Variants in PDHB observed in about 807,000 individuals in gnomAD.
PDHB encodes the protein pyruvate dehydrogenase E1 component subunit beta, mitochondrial.
A neutral mutation model predicts 42.8 loss-of-function variants in PDHB; 17 were observed. That is an observed-to-expected ratio of 0.40 (90% CI 0.27 to 0.60). The LOEUF is 0.60. PDHB is among the 20% of genes least tolerant of loss of function. PDHB has a pLI of 0.46. For missense variants in PDHB, 322 were observed against 451.3 expected (o/e 0.71, Z 2.60); for synonymous variants, 154 against 148.7 (o/e 1.04, Z -0.26).
intron 1 of PDHB, 30 bp downstream of exon 1, chr3:58,433,738 T>G (rs1481858996): frequency 6.2e-7 from 1 of 1,612,338 alleles, no homozygotes; most frequent in Non-Finnish European, 8.5e-7. Context: ...AGGGGTCGCG[T>G]GGGAATACAG....
chr3:58,433,392 G>A, intron 2 of PDHB: 3 of 598,166 alleles, frequency 5.0e-6, no homozygotes, highest in Admixed American at 5.9e-5. Context: ...TGGAGTGAGG[G>A]AGGAAACGCC....
chr3:58,427,934 C>T lies in PDHB; in HGVS notation c.*100G>A, dbSNP rs745760468. 44 of 895,074 alleles carry T rather than the reference C, an allele frequency of 4.9e-5. No individual in the cohort carries two copies. The South Asian group carries it at 5.7e-4, about 12-fold the overall frequency. The allele number at this position is 895,074 out of a possible 1,614,324, so 55.4% of individuals were successfully genotyped here. On this transcript the variant is annotated 3_prime_UTR_variant, in exon 10 of 10. Transcript: ENST00000302746. The stretch of plus-strand genomic sequence containing the variant: ...AAATACCTGCTGTTGCTTTAGAAAT[C>T]GTTTTCCGTTATGAATAGTCAGGTC...
chr3:58,431,560 CT>C lies in PDHB; in HGVS notation c.303+32del. On this transcript the variant is annotated intron_variant, in intron 5 of 9. Transcript: ENST00000302746. The surrounding 1 kb of genome is among the most constrained non-coding windows in gnomAD (Gnocchi z 4.4). ...GAAAAAAAAAGAAAACAAGAAATGT[CT>C]TTGGATAAGTTTCATAAAGAGTATT... 1 of 1,543,342 alleles carries C rather than the reference CT, an allele frequency of 6.5e-7. No homozygotes were observed. The highest frequency in any genetic ancestry group is 1.1e-5 in the South Asian group (1 of 89,536).
Position 58,431,608 on chromosome 3 carries a change from A to G in PDHB, c.288T>C (p.Ala96=), listed in dbSNP as rs138128142. 8.5e-4 allele frequency: 1,373 copies of G among 1,606,634 alleles called. 1 individual carries two copies. The highest frequency in any genetic ancestry group is 2.6e-3 in the Admixed American group (158 of 60,024). Residue 96 remains alanine, a synonymous_variant, in exon 5 of 10, where the codon GCT becomes GCC. Transcript: ENST00000302746. The surrounding 1 kb of genome is among the most constrained non-coding windows in gnomAD (Gnocchi z 4.4). ...PISEMGFAGI[A]VGAAMAGLRP... The stretch of plus-strand genomic sequence containing the variant: ...TATTACATACCATAGCTGCACCTAC[A>G]GCAATTCCAGCAAAGCCCATCTATA...
rs766780930 is a variant in PDHB, at chr3:58,427,957, G to C, written c.*77C>G. The C allele has an allele frequency of 3.8e-6, 4 of 1,050,882 alleles. No homozygotes were observed. In the South Asian group the frequency reaches 3.9e-5, roughly 10 times the overall value. The allele number at this position is 1,050,882 out of a possible 1,614,324, so 65.1% of individuals were successfully genotyped here. On this transcript the variant is annotated 3_prime_UTR_variant, in exon 10 of 10. Transcript: ENST00000302746. ...ATCGTTTTCCGTTATGAATAGTCAG[G>C]TCTTGCAGTACAAATCCAGGTGCAG...
At position 58,429,892 on chromosome 3, in the gene PDHB, A is replaced by C. The variant is rs1237005051; in HGVS notation, c.701-93T>G. ...AGCTGTGGCTCTTGTTCATTCATAA[A>C]GTCTTCAATTCAACTTCATTCCAGT... On this transcript the variant is annotated intron_variant, in intron 7 of 9. Transcript: ENST00000302746. 7 of 833,530 alleles carry C rather than the reference A, an allele frequency of 8.4e-6. No homozygotes were observed. The East Asian group carries it at 1.7e-4, about 20-fold the overall frequency. The allele number at this position is 833,530 out of a possible 1,614,324, so 51.6% of individuals were successfully genotyped here. A position where few individuals can be genotyped will look rare whatever the true frequency, so the allele number is the denominator to read the frequency against.
chr3:58,427,888 C>CATT lies in PDHB; in HGVS notation c.*143_*145dup, dbSNP rs1560185971. The CATT allele has an allele frequency of 1.4e-6, 1 of 706,270 alleles. No homozygotes were observed. Among genetic ancestry groups the CATT allele is most frequent in the Admixed American group, 2.0e-5 (1 of 49,618 alleles). 43.8% of individuals were successfully genotyped at this position (706,270 alleles called of 1,614,324 possible). On this transcript the variant is annotated 3_prime_UTR_variant, in exon 10 of 10. Coordinates refer to ENST00000302746, the MANE Select transcript of PDHB (RefSeq NM_000925.4). Reference sequence around the variant, plus strand: ...GTGGAGAGTTTTCCATACACAAACACATTTAAACTTCCCTGTACAAAAATA... The same window carrying CATT: ...GTGGAGAGTTTTCCATACACAAACACATTATTTAAACTTCCCTGTACAAAAATA...
chr3:58,428,356 T>G (rs542002290), intron 9 of PDHB, 117 bp downstream of exon 9: 2 of 1,318,440 alleles, frequency 1.5e-6, no homozygotes, highest in East Asian at 4.6e-5. Flanking sequence ...ACTTACAAGT[T>G]TAAAGTTGAA....
chr3:58,430,343 G>C, intron 6 of PDHB, 105 bp from the exon 7 acceptor site: 3 of 823,230 alleles, frequency 3.6e-6, no homozygotes, highest in Middle Eastern at 2.8e-4. Flanking sequence ...TCATTGTGCT[G>C]ATTAGCCTTA....
chr3:58,428,444 G>A, intron 9 of PDHB, 29 bp downstream of exon 9: 1 of 1,611,002 alleles, frequency 6.2e-7, no homozygotes, highest in East Asian at 2.2e-5. Context: ...TAGCTTGACT[G>A]TATTCTAGAA....
chr3:58,433,510 G>C, intron 2 of PDHB, 121 bp downstream of exon 2: 2 of 1,073,250 alleles, frequency 1.9e-6, no homozygotes, highest in Non-Finnish European at 2.8e-6. Flanking sequence ...GAGGATGCTG[G>C]CTCCGCAAAC....
Position 58,428,649 on chromosome 3 carries a change from T to C in PDHB, c.793-35A>G, listed in dbSNP as rs181475983. ...TAATATAATCAAGTTTACAGAGCTA[T>C]TGCAGCACAAATAGAGCCTTATCCC... is the stretch of plus-strand genomic sequence containing the variant. On this transcript the variant is annotated intron_variant, in intron 8 of 9. Coordinates refer to ENST00000302746, the MANE Select transcript of PDHB (RefSeq NM_000925.4). 221 of 1,584,624 alleles carry C rather than the reference T, an allele frequency of 1.4e-4. No homozygotes were observed. The East Asian group carries it at 2.2e-3, about 16-fold the overall frequency.
At position 58,431,383 on chromosome 3, in the gene PDHB, T is replaced by C. The variant is rs1013989658; in HGVS notation, c.303+210A>G. 1 of 557,928 alleles carries C rather than the reference T, an allele frequency of 1.8e-6. No homozygotes were observed. Among genetic ancestry groups the C allele is most frequent in the South Asian group, 2.0e-5 (1 of 49,374 alleles). The allele number at this position is 557,928 out of a possible 1,614,324, so 34.6% of individuals were successfully genotyped here. On this transcript the variant is annotated intron_variant, in intron 5 of 9. Transcript: ENST00000302746. This position sits in a 1 kb window ranked among gnomAD's most constrained non-coding sequence, Gnocchi z 4.4. ...GGCCAACATGGTAAAACCCCATCTC[T>C]ACTAAAAACACAAAAATTGGCTAGG...
At chr3:58,433,720 G>T in intron 1 of PDHB, 36 bp from the exon 2 acceptor site, 1 of 1,612,246 alleles carries the variant, frequency 6.2e-7, no homozygotes. Flanking sequence ...GCGGGACGCA[G>T]GGTGGGCAGG....
At chr3:58,430,997 G>T in intron 5 of PDHB, 55 bp from the exon 6 acceptor site, 1 of 1,489,426 alleles carries the variant, frequency 6.7e-7, no homozygotes, top group Non-Finnish European at 9.4e-7. Flanking sequence ...ACAAACAGTA[G>T]CAAACAAATC....
chr3:58,432,513 A>G, intron 2 of PDHB: 1 of 175,396 alleles, frequency 5.7e-6, no homozygotes, highest in Non-Finnish European at 1.2e-5. Flanking sequence ...CCTGGCCAAC[A>G]TGGTGAAACC....
At chr3:58,430,571 TA>T in intron 6 of PDHB, 85 bp downstream of exon 6, 1 of 1,091,276 alleles carries the variant, frequency 9.2e-7, no homozygotes, top group Non-Finnish European at 1.4e-6. Context: ...TAAGCCTAAC[TA>T]AAAGACTTTA....
rs557082585 is a variant in PDHB, at chr3:58,433,812, T to C, written c.-3A>G. On this transcript the variant is annotated 5_prime_UTR_variant, in exon 1 of 10. Transcript: ENST00000302746. The stretch of plus-strand genomic sequence containing the variant: ...ACCAAGCCAGACACCGCCGCCATCT[T>C]GGTCGTGTCCTCTATCCGCTGCCAA... 66 of 1,610,846 alleles carry C rather than the reference T, an allele frequency of 4.1e-5. 1 individual carries two copies. In the South Asian group the frequency reaches 6.7e-4, roughly 16 times the overall value.
chr3:58,433,228 C>G (rs556808640), intron 2 of PDHB: 3 of 283,902 alleles, frequency 1.1e-5, no homozygotes, highest in Admixed American at 5.0e-5. Context: ...GAGTAATGGA[C>G]AGTTTCTGCT....
Sources: gnomAD v4.1 joint callset for allele counts on GRCh38, gnomAD v4.1.1 for gene constraint, Gnocchi (gnomAD v3.1) non-coding constraint, MANE v1.5 for transcripts, NCBI Gene and HGNC (gene_info 2026-07-23, HGNC 2026-07-21) for gene names.